The following LARGE1 variants were observed in gnomAD, a reference collection of about 807,000 sequenced individuals.
The protein encoded by LARGE1 is LARGE xylosyl- and glucuronyltransferase 1.
LARGE1 carries 43 observed loss-of-function variants against 87.6 expected under a neutral mutation model. The ratio of observed to expected loss-of-function variants is 0.49; its 90% CI spans 0.38 to 0.63. The LOEUF (loss-of-function observed/expected upper bound fraction) is 0.63. Ranked by LOEUF, LARGE1 falls within the 30% of genes least tolerant of loss-of-function variation. LARGE1 has a pLI of 0.00. For synonymous variants in LARGE1, 434 were observed against 394.6 expected, an observed-to-expected ratio of 1.10 and a Z score of -1.18; for missense variants, 802 against 1,000.2, an observed-to-expected ratio of 0.80 and a Z score of 2.67.
intron 6 of LARGE1, among the ~76,000 whole-genome samples, chr22:33,457,309 T>G (rs936975458): frequency 5.2e-5 from 7 of 133,368 alleles, no homozygotes; most frequent in African/African-American, 2.3e-4. Context: ...TTTTTTTTTT[T>G]TTTTTTTTTT....
intron 1 of LARGE1, among the ~76,000 whole-genome samples, chr22:33,821,020 C>T (rs2086799506): frequency 6.6e-6 from 1 of 152,174 alleles, no homozygotes; most frequent in Non-Finnish European, 1.5e-5. Flanking sequence ...CAGGAATCTT[C>T]CTTAATCACC....
exon 12 of LARGE1, chr22:33,164,921 C>A (rs536757157): frequency 6.6e-6 from 1 of 152,020 alleles, no homozygotes; most frequent in African/African-American, 2.4e-5. Flanking sequence ...AACCAAATAC[C>A]GCACATTCTC....
At chr22:33,599,835 T>G (rs1242873361) in intron 5 of LARGE1, among the ~76,000 whole-genome samples, 1 of 152,216 alleles carries the variant, frequency 6.6e-6, no homozygotes, top group South Asian at 2.1e-4. Flanking sequence ...AATGCAACTG[T>G]GGAACACGGC....
chr22:33,917,127 T>C (rs191487718), intron 1 of LARGE1, among the ~76,000 whole-genome samples: 2 of 152,342 alleles, frequency 1.3e-5, no homozygotes, highest in Admixed American at 1.3e-4. Context: ...AAACAGAGTC[T>C]AACTCTACAT....
At chr22:33,096,860 C>T in the LARGE1 span, among the ~76,000 whole-genome samples, 1 of 152,148 alleles carries the variant, frequency 6.6e-6, no homozygotes, top group Admixed American at 6.5e-5. Flanking sequence ...CCACCGCGCC[C>T]GGCGGATCTG....
chr22:33,226,117 C>A (rs1291824648), intron 11 of LARGE1, among the ~76,000 whole-genome samples: 3 of 152,130 alleles, frequency 2.0e-5, no homozygotes, highest in African/African-American at 7.2e-5. Flanking sequence ...GTTTTTAGTT[C>A]TTTGAGGAAT....
rs200853624 is a variant in LARGE1, at chr22:33,265,418, G to A, written c.1730+38811C>T. Among the ~76,000 whole-genome samples the A allele has an allele frequency of 3.3e-5, 5 of 152,128 alleles. No individual in the cohort carries two copies. In the East Asian group the frequency reaches 9.6e-4, roughly 29 times the overall value. On this transcript the variant is annotated intron_variant, in intron 11 of 11. Coordinates refer to the LARGE1 transcript ENST00000608642. ...CTGAATCCAAGCGCTCTCTCGTCTT[G>A]ACACCTATTGTGGCAATAGTCCTGA...
At chr22:33,117,439 T>C in the LARGE1 span, among the ~76,000 whole-genome samples, 1,499 of 125,816 alleles carry the variant, frequency 0.012, 18 homozygotes, top group African/African-American at 0.055. Flanking sequence ...TATTAACTTT[T>C]TTTTTTTTTT....
chr22:33,912,839 T>G (rs1423277746), intron 1 of LARGE1, among the ~76,000 whole-genome samples: 6 of 149,184 alleles, frequency 4.0e-5, no homozygotes, highest in Non-Finnish European at 7.4e-5. Flanking sequence ...ACAAGCATGT[T>G]TTTTTTTTTT....
chr22:33,555,577 G>C (rs1379625061), intron 6 of LARGE1, among the ~76,000 whole-genome samples: 4 of 152,108 alleles, frequency 2.6e-5, no homozygotes, highest in Non-Finnish European at 5.9e-5. Context: ...CAGCATTCCA[G>C]GTACAGGAAC....
At chr22:33,744,538 C>T (rs2084007764) in intron 2 of LARGE1, among the ~76,000 whole-genome samples, 1 of 152,210 alleles carries the variant, frequency 6.6e-6, no homozygotes, top group Non-Finnish European at 1.5e-5. Flanking sequence ...ACGTGCTTTC[C>T]CATGGGTCCT....
At chr22:33,756,932 A>G (rs80213) in intron 2 of LARGE1, among the ~76,000 whole-genome samples, 85,793 of 151,940 alleles carry the variant, frequency 0.56, 24,345 homozygotes, top group East Asian at 0.66. Context: ...GAAGGGAGAC[A>G]AGGATTACTC....
At chr22:33,324,238 A>T in intron 10 of LARGE1, among the ~76,000 whole-genome samples, 2 of 73,796 alleles carry the variant, frequency 2.7e-5, no homozygotes, top group Non-Finnish European at 5.0e-5. Context: ...CAAAAAAAAA[A>T]AAAAAAAAAA....
chr22:33,347,254 T>C (rs1250266271), intron 9 of LARGE1, among the ~76,000 whole-genome samples: 2 of 152,234 alleles, frequency 1.3e-5, no homozygotes, highest in Admixed American at 6.5e-5. Flanking sequence ...GCATGCTTCT[T>C]GTAATTATTT....
At chr22:33,688,683 C>T (rs939257128) in intron 2 of LARGE1, among the ~76,000 whole-genome samples, 1 of 152,106 alleles carries the variant, frequency 6.6e-6, no homozygotes, top group Non-Finnish European at 1.5e-5. Flanking sequence ...TTCCAAAAGT[C>T]ATGCACCTTC....
intron 12 of LARGE1, among the ~76,000 whole-genome samples, chr22:33,301,540 C>T (rs1334267376): frequency 6.6e-6 from 1 of 152,062 alleles, no homozygotes; most frequent in Non-Finnish European, 1.5e-5. Context: ...AATATGAATA[C>T]CTAGTAACCT....
chr22:33,624,086 C>T (rs906805367), intron 4 of LARGE1, among the ~76,000 whole-genome samples: 4 of 152,120 alleles, frequency 2.6e-5, no homozygotes, highest in African/African-American at 4.8e-5. Context: ...GACAATCACT[C>T]AGCAATATAG....
chr22:33,484,975 G>C (rs1259154908), intron 6 of LARGE1, among the ~76,000 whole-genome samples: 1 of 147,632 alleles, frequency 6.8e-6, no homozygotes. Context: ...GCAGTGGCAC[G>C]ATCTTGGCTC....
intron 2 of LARGE1, among the ~76,000 whole-genome samples, chr22:33,675,162 C>T (rs1037538790): frequency 8.6e-5 from 13 of 151,588 alleles, no homozygotes; most frequent in Admixed American, 2.0e-4. Context: ...GGCATGGTGG[C>T]GCATGCCTGT....
Sources: allele counts gnomAD v4.1 joint callset (sites outside exome capture counted in the v4.1 genomes callset), GRCh38; gene constraint gnomAD v4.1.1; transcripts MANE v1.5; gene names NCBI Gene and HGNC (gene_info 2026-07-23, HGNC 2026-07-21).